The following PTPRG variants were observed in gnomAD, a reference collection of about 807,000 sequenced individuals.
PTPRG encodes the protein receptor-type tyrosine-protein phosphatase gamma.
PTPRG carries 102 observed loss-of-function variants against 165.3 expected under a neutral mutation model. The observed-to-expected ratio is 0.62, with a 90% CI of 0.53 to 0.73. The LOEUF is 0.73. Ranked by LOEUF, PTPRG falls within the 30% of genes least tolerant of loss-of-function variation. PTPRG has a pLI of 0.00. For synonymous variants in PTPRG, 675 were observed against 669.5 expected (o/e 1.01, Z -0.13); for missense variants, 1,866 against 1,861.4 (o/e 1.00, Z -0.05).
intron 1 of PTPRG, among the ~76,000 whole-genome samples, chr3:61,651,623 G>A (rs754442990): frequency 3.3e-5 from 5 of 152,184 alleles, no homozygotes; most frequent in African/African-American, 4.8e-5. Context: ...AGTTTTCTGG[G>A]TGTTACTTTG....
chr3:61,872,122 G>C (rs988521811), intron 2 of PTPRG, among the ~76,000 whole-genome samples: 8 of 152,150 alleles, frequency 5.3e-5, no homozygotes, highest in African/African-American at 1.9e-4. Context: ...GGAAAGGATT[G>C]GGCCAAATAA....
At chr3:61,945,362 C>T (rs768667709) in intron 2 of PTPRG, among the ~76,000 whole-genome samples, 1 of 151,924 alleles carries the variant, frequency 6.6e-6, no homozygotes, top group African/African-American at 2.4e-5. Flanking sequence ...GAGTTCGAGA[C>T]GAGCCTGGCC....
intron 2 of PTPRG, among the ~76,000 whole-genome samples, chr3:61,975,026 A>G (rs770024259): frequency 6.6e-6 from 1 of 152,170 alleles, no homozygotes; most frequent in Admixed American, 6.5e-5. Flanking sequence ...TGCTTTCACT[A>G]CTTGCTTGAT....
At position 62,134,075 on chromosome 3, in the gene PTPRG, A is replaced by C. The variant is rs192106630; in HGVS notation, c.682+1407A>C. On this transcript the variant is annotated intron_variant, in intron 6 of 29. Transcript: ENST00000474889. ...CATTCTTCAGGGCTCTTACCTCCCA[A>C]AGACTCCACCTCATGTCATAAACTT... is the stretch of plus-strand genomic sequence containing the variant. 2.4e-3 allele frequency among the ~76,000 whole-genome samples: 363 copies of C among 152,280 alleles called. 2 individuals are homozygous for C. The highest frequency in any genetic ancestry group is 0.01 in the Middle Eastern group (3 of 294).
intron 4 of PTPRG, among the ~76,000 whole-genome samples, chr3:62,028,054 T>A (rs1384187411): frequency 1.3e-5 from 2 of 152,236 alleles, no homozygotes; most frequent in Non-Finnish European, 2.9e-5. Context: ...TCTTTAGGAT[T>A]CCTTGGTATC....
intron 2 of PTPRG, among the ~76,000 whole-genome samples, chr3:61,791,928 G>A (rs80057824): frequency 7.9e-5 from 12 of 152,148 alleles, no homozygotes; most frequent in Non-Finnish European, 1.5e-4. Context: ...TCACTTTTTA[G>A]ATTTTGTTAA....
chr3:62,100,934 T>G (rs1046435537), intron 5 of PTPRG, among the ~76,000 whole-genome samples: 2 of 152,236 alleles, frequency 1.3e-5, no homozygotes, highest in African/African-American at 4.8e-5. Context: ...CTGCTAAATC[T>G]TCTTTTATAT....
At chr3:62,278,846 G>T (rs1483873867) in intron 26 of PTPRG, among the ~76,000 whole-genome samples, 2 of 151,932 alleles carry the variant, frequency 1.3e-5, no homozygotes, top group African/African-American at 2.4e-5. Context: ...AGGCACTTAG[G>T]GTTGTTAAAA....
intron 4 of PTPRG, among the ~76,000 whole-genome samples, chr3:62,022,032 A>G (rs376240842): frequency 6.6e-6 from 1 of 152,110 alleles, no homozygotes; most frequent in Non-Finnish European, 1.5e-5. Context: ...ATATATATGT[A>G]TACAATTTAC....
intron 5 of PTPRG, among the ~76,000 whole-genome samples, chr3:62,127,950 G>A (rs886994355): frequency 6.6e-6 from 1 of 152,074 alleles, no homozygotes; most frequent in Non-Finnish European, 1.5e-5. Context: ...CCTTATGGTG[G>A]GCTATTAATT....
chr3:61,770,295 G>A (rs1021792797), intron 2 of PTPRG: 8 of 152,102 alleles, frequency 5.3e-5, no homozygotes, highest in African/African-American at 1.4e-4. Context: ...ATGAATGATT[G>A]GGTTCATTTT....
chr3:61,750,140 T>TTA (rs1337598286), intron 2 of PTPRG: 3 of 152,210 alleles, frequency 2.0e-5, no homozygotes, highest in African/African-American at 7.2e-5. Flanking sequence ...AATTATCTAA[T>TTA]TAGAGGCTTT....
chr3:61,844,923 A>G (rs6782288), intron 2 of PTPRG, among the ~76,000 whole-genome samples: 18,275 of 152,270 alleles, frequency 0.12, 1,867 homozygotes, highest in African/African-American at 0.28. Context: ...ATAACTGGCA[A>G]TAGTTGAAAG....
chr3:61,672,604 A>G (rs1703050384), intron 1 of PTPRG, among the ~76,000 whole-genome samples: 1 of 151,248 alleles, frequency 6.6e-6, no homozygotes, highest in African/African-American at 2.4e-5. Context: ...CTGCAATTGC[A>G]GGCACTCGGC....
intron 1 of PTPRG, among the ~76,000 whole-genome samples, chr3:61,624,948 G>T (rs1248616468): frequency 6.6e-6 from 1 of 152,066 alleles, no homozygotes; most frequent in Non-Finnish European, 1.5e-5. Flanking sequence ...TGTCAGCAGG[G>T]TTAATTCCTT....
chr3:62,162,371 A>G (rs1704800212), intron 7 of PTPRG, among the ~76,000 whole-genome samples: 1 of 152,246 alleles, frequency 6.6e-6, no homozygotes, highest in African/African-American at 2.4e-5. Context: ...TTACACATTC[A>G]CTTCAAAAGT....
chr3:62,265,904 C>T (rs909144941), intron 17 of PTPRG, among the ~76,000 whole-genome samples: 7 of 150,496 alleles, frequency 4.7e-5, no homozygotes, highest in African/African-American at 1.5e-4. Context: ...TATACACACA[C>T]ACACACACAC....
rs556369455 is a variant in PTPRG, at chr3:62,237,163, G to A, written c.2375+5852G>A. On this transcript the variant is annotated intron_variant, in intron 14 of 29. Transcript: ENST00000474889. The surrounding 1 kb of genome is among the most constrained non-coding windows in gnomAD (Gnocchi z 4.5). ...AGAAAATTGTTAGCTCATATCAGAG[G>A]TTATCTAAACAGGTTCCCGGAAAAA... Among the ~76,000 whole-genome samples, 4 of 152,264 alleles carry A rather than the reference G, an allele frequency of 2.6e-5. No individual in the cohort carries two copies. Among genetic ancestry groups the A allele is most frequent in the African/African-American group, 9.6e-5 (4 of 41,556 alleles).
At chr3:61,817,159 T>C (rs977561493) in intron 2 of PTPRG, among the ~76,000 whole-genome samples, 3 of 119,606 alleles carry the variant, frequency 2.5e-5, no homozygotes, top group Admixed American at 2.1e-4. Context: ...ATATATAATA[T>C]ATAATATATA....
Sources: allele counts gnomAD v4.1 joint callset (sites outside exome capture counted in the v4.1 genomes callset), GRCh38; gene constraint gnomAD v4.1.1; non-coding constraint Gnocchi (gnomAD v3.1); transcripts MANE v1.5; gene names NCBI Gene and HGNC (gene_info 2026-07-23, HGNC 2026-07-21).